Variants in FAT3 observed in about 807,000 individuals in gnomAD.
The protein encoded by FAT3 is FAT atypical cadherin 3, also known as protocadherin Fat 3.
Under a neutral mutation model 310.2 loss-of-function variants are expected in FAT3, and 95 were observed. The ratio of observed to expected loss-of-function variants is 0.31; its 90% CI spans 0.26 to 0.36. The LOEUF (loss-of-function observed/expected upper bound fraction) is 0.36, where lower values mean the gene tolerates loss of function less well. Ranked by LOEUF, FAT3 falls within the 10% of genes least tolerant of loss-of-function variation. The pLI is 1.00. For missense variants in FAT3, 5,408 were observed against 5,715.6 expected, an observed-to-expected ratio of 0.95 and a Z score of 1.74; for synonymous variants, 2,314 against 2,192.9, an observed-to-expected ratio of 1.06 and a Z score of -1.54.
chr11:92,611,342 C>T (rs1940552325), intron 3 of FAT3, among the ~76,000 whole-genome samples: 1 of 152,200 alleles, frequency 6.6e-6, no homozygotes, highest in Admixed American at 6.5e-5. Flanking sequence ...TCTCAAACTA[C>T]TGAGCTCAAG....
chr11:92,699,914 A>G (rs1346041645), intron 4 of FAT3, among the ~76,000 whole-genome samples: 2 of 152,198 alleles, frequency 1.3e-5, no homozygotes, highest in African/African-American at 4.8e-5. Context: ...TAAAGATTTA[A>G]CAGCACCTCC....
At chr11:92,714,695 C>T (rs139930881) in intron 4 of FAT3, among the ~76,000 whole-genome samples, 9 of 152,196 alleles carry the variant, frequency 5.9e-5, no homozygotes, top group African/African-American at 1.4e-4. Context: ...GCAGTTTCCA[C>T]GTATTTTCTC....
chr11:92,458,167 T>C (rs1437546658), intron 2 of FAT3, among the ~76,000 whole-genome samples: 2 of 152,220 alleles, frequency 1.3e-5, no homozygotes, highest in African/African-American at 4.8e-5. Context: ...GAGACTATGG[T>C]ATTCCAGCTC....
intron 3 of FAT3, among the ~76,000 whole-genome samples, chr11:92,582,024 A>G (rs577242644): frequency 2.0e-5 from 3 of 152,138 alleles, no homozygotes; most frequent in East Asian, 3.9e-4. Flanking sequence ...TTTCCTGATG[A>G]TATGCTAAAC....
At chr11:92,551,432 G>GTGTGTGTGTGTGTGTGTGTT (rs1555081180) in intron 3 of FAT3, among the ~76,000 whole-genome samples, 4 of 151,270 alleles carry the variant, frequency 2.6e-5, no homozygotes, top group Admixed American at 6.6e-5. Flanking sequence ...GTGTGTGTGT[G>GTGTGTGTGTGTGTGTGTGTT]TGTGTGTGTG....
chr11:92,846,551 C>A (rs1948688893), intron 19 of FAT3, among the ~76,000 whole-genome samples: 1 of 152,118 alleles, frequency 6.6e-6, no homozygotes, highest in African/African-American at 2.4e-5. Flanking sequence ...AGGGAGCAGA[C>A]TGAATAATTC....
At chr11:92,443,827 G>A (rs1951140541) in intron 2 of FAT3, among the ~76,000 whole-genome samples, 1 of 152,082 alleles carries the variant, frequency 6.6e-6, no homozygotes, top group South Asian at 2.1e-4. Flanking sequence ...AGGAGGAGAA[G>A]AAGATAAATA....
chr11:92,716,499 A>G (rs1321121744), intron 4 of FAT3, among the ~76,000 whole-genome samples: 2 of 152,152 alleles, frequency 1.3e-5, no homozygotes, highest in Non-Finnish European at 2.9e-5. Flanking sequence ...AAAAAAATAT[A>G]CAAAAATTAT....
intron 16 of FAT3, 118 bp from the exon 17 acceptor site, chr11:92,837,545 C>T: frequency 8.6e-6 from 11 of 1,273,292 alleles, no homozygotes; most frequent in Non-Finnish European, 1.2e-5. Context: ...TCTGGAAAAT[C>T]AAACTAAAGA....
At position 92,412,739 on chromosome 11, in the gene FAT3, AT is replaced by A. The variant is rs1226993069; in HGVS notation, c.3292+57336del. 1.6e-3 allele frequency among the ~76,000 whole-genome samples: 111 copies of A among 67,502 alleles called. 19 individuals carry two copies. In the East Asian group the frequency reaches 0.02, roughly 12 times the overall value. The allele number at this position is 67,502 out of a possible 152,430, so 44.3% of individuals were successfully genotyped here. On this transcript the variant is annotated intron_variant, in intron 2 of 27. Transcript: ENST00000525166. Reference sequence around the variant, plus strand: ...TATATATATATATATATATATATATATATATAAATATACATACATATATATA... The same window carrying A: ...TATATATATATATATATATATATATAATATAAATATACATACATATATATA...
chr11:92,411,535 GA>G (rs1228942689), intron 2 of FAT3, among the ~76,000 whole-genome samples: 8 of 152,048 alleles, frequency 5.3e-5, no homozygotes, highest in African/African-American at 1.9e-4. Flanking sequence ...CAAGACCCAG[GA>G]ATCTGTATTT....
At chr11:92,780,169 T>C (rs1946709032) in intron 7 of FAT3, among the ~76,000 whole-genome samples, 1 of 149,944 alleles carries the variant, frequency 6.7e-6, no homozygotes, top group South Asian at 2.1e-4. Context: ...TTTTCTTTTT[T>C]TTTTTTTTCC....
chr11:92,606,608 G>C (rs1193479438), intron 3 of FAT3, among the ~76,000 whole-genome samples: 1 of 152,204 alleles, frequency 6.6e-6, no homozygotes, highest in Non-Finnish European at 1.5e-5. Context: ...CTCAGTGTCA[G>C]TCATTCTGCT....
chr11:92,709,212 T>A lies in FAT3; in HGVS notation c.3669+11767T>A, dbSNP rs1052486828. Among the ~76,000 whole-genome samples, 3 of 152,258 alleles carry A rather than the reference T, an allele frequency of 2.0e-5. No individual in the cohort carries two copies. In the South Asian group the frequency reaches 6.2e-4, roughly 32 times the overall value. On this transcript the variant is annotated intron_variant, in intron 4 of 27. Coordinates refer to ENST00000525166, the MANE Select transcript of FAT3 (RefSeq NM_001367949.2). The stretch of plus-strand genomic sequence containing the variant: ...TTTAAGGTCTTAAATTGTGTTTATT[T>A]GTTAATGCAGTCAATGTGTTTAACA...
At chr11:92,271,060 T>C (rs1348292955) in intron 1 of FAT3, among the ~76,000 whole-genome samples, 1 of 152,114 alleles carries the variant, frequency 6.6e-6, no homozygotes, top group South Asian at 2.1e-4. Context: ...CTCTCCCTTG[T>C]GTTCCTGCAG....
chr11:92,590,642 A>G (rs1214498692), intron 3 of FAT3, among the ~76,000 whole-genome samples: 1 of 152,170 alleles, frequency 6.6e-6, no homozygotes, highest in African/African-American at 2.4e-5. Context: ...TTAAAAACTA[A>G]TGTTTATTGA....
At chr11:92,266,799 A>G (rs1384087056) in intron 1 of FAT3, among the ~76,000 whole-genome samples, 5 of 152,144 alleles carry the variant, frequency 3.3e-5, no homozygotes, top group Admixed American at 3.3e-4. Context: ...TGGAAATGCC[A>G]TTAGAAAATC....
At chr11:92,873,511 G>A (rs975644988) in intron 22 of FAT3, among the ~76,000 whole-genome samples, 9 of 152,188 alleles carry the variant, frequency 5.9e-5, no homozygotes, top group Non-Finnish European at 1.2e-4. Flanking sequence ...AGGGTAGAGC[G>A]TTTAAGCCAT....
At chr11:92,719,367 T>G (rs1944788200) in intron 4 of FAT3, among the ~76,000 whole-genome samples, 1 of 152,184 alleles carries the variant, frequency 6.6e-6, no homozygotes, top group Non-Finnish European at 1.5e-5. Context: ...TCTTTTAATT[T>G]TATATGTATA....
Sources: allele counts gnomAD v4.1 joint callset (sites outside exome capture counted in the v4.1 genomes callset), GRCh38; gene constraint gnomAD v4.1.1; transcripts MANE v1.5; gene names NCBI Gene and HGNC (gene_info 2026-07-23, HGNC 2026-07-21).